AFF2: variants seen among roughly 807,000 people sequenced by gnomAD.
AFF2 encodes ALF transcription elongation factor 2, also known as AF4/FMR2 family member 2.
AFF2 carries 14 observed loss-of-function variants against 76.9 expected under a neutral mutation model. The observed-to-expected ratio is 0.18, with a 90% CI of 0.12 to 0.28. The LOEUF (loss-of-function observed/expected upper bound fraction) is 0.28. AFF2 is among the 10% of genes least tolerant of loss of function. The pLI is 1.00. For synonymous variants in AFF2, 398 were observed against 366.7 expected (o/e 1.09, Z -0.98); for missense variants, 868 against 1,001.1 (o/e 0.87, Z 1.79).
chrX:148,873,943 G>C (rs1557277628), intron 7 of AFF2, among the ~76,000 whole-genome samples: 1 of 111,688 alleles, frequency 9.0e-6, no homozygotes, highest in African/African-American at 3.3e-5. Flanking sequence ...TAAATACTAA[G>C]TCTTGGCCAG....
At chrX:148,560,507 A>G (rs184813910) in intron 1 of AFF2, among the ~76,000 whole-genome samples, 1 of 112,313 alleles carries the variant, frequency 8.9e-6, no homozygotes, top group African/African-American at 3.2e-5. Context: ...CAAAAGCAAC[A>G]GCAACAAAAG....
In AFF2 at chrX:148,838,581, C is replaced by A. The variant is rs1280012516; in HGVS notation, c.1173+848C>A. Among the ~76,000 whole-genome samples, 7 of 111,438 alleles carry A rather than the reference C, an allele frequency of 6.3e-5. No individual in the cohort carries two copies. In the Admixed American group the frequency reaches 6.7e-4, roughly 11 times the overall value. On this transcript the variant is annotated intron_variant, in intron 5 of 20. Coordinates refer to ENST00000370460, the MANE Select transcript of AFF2 (RefSeq NM_002025.4). ...AAGACTCTGACAGGTGAAGAAGGGG[C>A]CAAGAGAAGAATACCGCATGCATAA... is the stretch of plus-strand genomic sequence containing the variant.
chrX:148,873,610 A>G (rs2071003395), intron 7 of AFF2, among the ~76,000 whole-genome samples: 2 of 109,507 alleles, frequency 1.8e-5, no homozygotes, highest in African/African-American at 6.7e-5. Flanking sequence ...TTGAACAGAG[A>G]AAATACCAGT....
intron 3 of AFF2, among the ~76,000 whole-genome samples, chrX:148,670,415 G>A (rs942586469): frequency 8.9e-6 from 1 of 111,793 alleles, no homozygotes; most frequent in East Asian, 2.8e-4. Flanking sequence ...GTTCATATGT[G>A]TGCATATTAG....
At chrX:148,872,336 G>T (rs1455411144) in intron 7 of AFF2, among the ~76,000 whole-genome samples, 1 of 111,232 alleles carries the variant, frequency 9.0e-6, no homozygotes, top group Non-Finnish European at 1.9e-5. Context: ...CTACAGATTT[G>T]CCTGTTTTAG....
chrX:148,952,171 G>A (rs888214590), intron 9 of AFF2, among the ~76,000 whole-genome samples: 1 of 111,350 alleles, frequency 9.0e-6, no homozygotes, highest in African/African-American at 3.3e-5. Flanking sequence ...TGGAGAAGAG[G>A]CTCTAGTGAG....
chrX:148,777,937 A>G (rs1392433070), intron 3 of AFF2, among the ~76,000 whole-genome samples: 2 of 112,215 alleles, frequency 1.8e-5, no homozygotes, highest in African/African-American at 3.2e-5. Context: ...GCCAATTTTC[A>G]AAGGGAATGC....
chrX:148,664,543 C>T (rs2054339184), intron 3 of AFF2, among the ~76,000 whole-genome samples: 1 of 111,465 alleles, frequency 9.0e-6, no homozygotes, highest in African/African-American at 3.3e-5. Context: ...TTTGTCTTGG[C>T]TCCTCTAGCA....
At chrX:148,695,738 G>A (rs1478495340) in intron 3 of AFF2, among the ~76,000 whole-genome samples, 1 of 112,433 alleles carries the variant, frequency 8.9e-6, no homozygotes, top group Non-Finnish European at 1.9e-5. Flanking sequence ...ATGGTGGTCT[G>A]TAATAATGCT....
At chrX:148,538,868 T>G (rs1039450358) in intron 1 of AFF2, among the ~76,000 whole-genome samples, 3 of 111,583 alleles carry the variant, frequency 2.7e-5, no homozygotes, top group African/African-American at 9.8e-5. Flanking sequence ...TGAAGCCCCG[T>G]GACTTTTATA....
In AFF2 at chrX:148,872,111, T is replaced by A. The variant is rs78612406; in HGVS notation, c.1263-13778T>A. 2.9e-3 allele frequency among the ~76,000 whole-genome samples: 316 copies of A among 110,342 alleles called. 1 individual carries two copies. Among genetic ancestry groups the A allele is most frequent in the African/African-American group, 6.0e-3 (182 of 30,375 alleles). ...TGTCCAGCTGTGAGACTTTTTTTTT[T>A]AAAAAAGACGGCTCTATTTAGATGC... On this transcript the variant is annotated intron_variant, in intron 7 of 20. Coordinates refer to ENST00000370460, the MANE Select transcript of AFF2 (RefSeq NM_002025.4).
At position 148,821,948 on chromosome X, in the gene AFF2, A is replaced by G. The variant is rs189440877; in HGVS notation, c.1086+12028A>G. ...TTAAATGACTTAAATTTTTAGAGGA[A>G]TGGTTAGAGAAAATGACCTCATAGT... On this transcript the variant is annotated intron_variant, in intron 4 of 20. Coordinates refer to ENST00000370460, the MANE Select transcript of AFF2 (RefSeq NM_002025.4). Among the ~76,000 whole-genome samples, 19 of 112,002 alleles carry G rather than the reference A, an allele frequency of 1.7e-4. No individual in the cohort carries two copies. The East Asian group carries it at 5.4e-3, about 32-fold the overall frequency.
chrX:148,605,125 T>A (rs2053661136), intron 1 of AFF2, among the ~76,000 whole-genome samples: 1 of 111,318 alleles, frequency 9.0e-6, no homozygotes, highest in Non-Finnish European at 1.9e-5. Flanking sequence ...TCAATATCCA[T>A]GAAAGGCATA....
chrX:148,967,281 A>G (rs1328864659), intron 14 of AFF2, among the ~76,000 whole-genome samples: 1 of 111,144 alleles, frequency 9.0e-6, no homozygotes, highest in African/African-American at 3.3e-5. Context: ...CATTTTAATT[A>G]AGCAGCATTG....
intron 3 of AFF2, among the ~76,000 whole-genome samples, chrX:148,733,282 T>G (rs1251175133): frequency 8.1e-5 from 9 of 111,459 alleles, no homozygotes; most frequent in Admixed American, 3.8e-4. Flanking sequence ...ATTAAAATAT[T>G]TGTGACACAA....
intron 9 of AFF2, among the ~76,000 whole-genome samples, chrX:148,934,291 G>A (rs1231161329): frequency 8.9e-6 from 1 of 112,320 alleles, no homozygotes; most frequent in Non-Finnish European, 1.9e-5. Context: ...CCAGATGGGG[G>A]TTTAGGCAGT....
intron 3 of AFF2, among the ~76,000 whole-genome samples, chrX:148,809,201 G>A (rs1269792759): frequency 8.9e-6 from 1 of 112,154 alleles, no homozygotes; most frequent in Non-Finnish European, 1.9e-5. Context: ...ACAGCTGGTT[G>A]CTTATTTTGT....
At position 148,696,288 on chromosome X, in the gene AFF2, G is replaced by A. The variant is rs1453461401; in HGVS notation, c.1041+33520G>A. 5.6e-5 allele frequency among the ~76,000 whole-genome samples: 6 copies of A among 108,034 alleles called. 1 individual carries two copies. Among genetic ancestry groups the A allele is most frequent in the East Asian group, 2.9e-4 (1 of 3,421 alleles). 93.8% of individuals were successfully genotyped at this position (108,034 alleles called of 115,157 possible). On this transcript the variant is annotated intron_variant, in intron 3 of 20. Transcript: ENST00000370460. ...CACAGGAAGGGGAGCATCACACACC[G>A]GGGACTGTTGTGGGGTGGGGGGAGA...
At chrX:148,505,532 AATT>A (rs58352275) in intron 1 of AFF2, among the ~76,000 whole-genome samples, 3,995 of 112,246 alleles carry the variant, frequency 0.036, 61 homozygotes, top group African/African-American at 0.049. Context: ...TAAACATGCT[AATT>A]ATTGTTGAAT....
Sources: gnomAD v4.1 joint callset for allele counts (sites outside exome capture counted in the v4.1 genomes callset) on GRCh38, gnomAD v4.1.1 for gene constraint, MANE v1.5 for transcripts, NCBI Gene and HGNC (gene_info 2026-07-23, HGNC 2026-07-21) for gene names.